The following EIF2AK1 variants were observed in gnomAD, a reference collection of about 807,000 sequenced individuals.
EIF2AK1 encodes eukaryotic translation initiation factor 2-alpha kinase 1.
A neutral mutation model predicts 77.9 loss-of-function variants in EIF2AK1; 54 were observed. That is an observed-to-expected ratio of 0.69 (90% CI 0.56 to 0.87). The LOEUF (loss-of-function observed/expected upper bound fraction) is 0.87, where lower values mean the gene tolerates loss of function less well. Among genes scored for constraint, EIF2AK1 ranks in the 40% least tolerant of loss-of-function variants. EIF2AK1 has a pLI of 0.00. For synonymous variants in EIF2AK1, 314 were observed against 290.5 expected (o/e 1.08, Z -0.82); for missense variants, 810 against 768.6 (o/e 1.05, Z -0.64).
chr7:6,038,365 G>A (rs1372908733), intron 10 of EIF2AK1, among the ~76,000 whole-genome samples, 195 bp downstream of exon 10: 1 of 152,114 alleles, frequency 6.6e-6, no homozygotes, highest in Non-Finnish European at 1.5e-5. Flanking sequence ...AGCCAGGGAG[G>A]CCAAGGCTAT....
Position 6,054,606 on chromosome 7 carries a change from GC to G in EIF2AK1, c.216del (p.Leu72PhefsTer5). The G allele has an allele frequency of 6.2e-7, 1 of 1,614,150 alleles. No individual in the cohort carries two copies. Among genetic ancestry groups the G allele is most frequent in the Non-Finnish European group, 8.5e-7 (1 of 1,180,036 alleles). Reference protein sequence around the residue: ...AVANQLLLVSLLEHLSHVHEP... With the variant: ...AVANQLLLVSXLEHLSHVHEP... Reference sequence around the variant, plus strand: ...TCATGCACGTGGCTCAAGTGCTCCAGCAAAGAAACCAGCAAGAGTTGGTTTG... The same window carrying G: ...TCATGCACGTGGCTCAAGTGCTCCAGAAAGAAACCAGCAAGAGTTGGTTTG... On this transcript the variant is annotated frameshift_variant, in exon 2 of 15. Coordinates refer to ENST00000199389, the MANE Select transcript of EIF2AK1 (RefSeq NM_014413.4). LOFTEE classifies it high-confidence loss of function.
Position 6,058,102 on chromosome 7 carries a change from A to T in EIF2AK1, c.118+864T>A, listed in dbSNP as rs764680903. 31 of 455,530 alleles carry T rather than the reference A, an allele frequency of 6.8e-5. 1 individual carries two copies. Among genetic ancestry groups the T allele is most frequent in the South Asian group, 4.6e-4 (30 of 64,538 alleles). 28.2% of individuals were successfully genotyped at this position (455,530 alleles called of 1,614,324 possible). ...ACTTAGCTACCCCGTATCTCCTAGT[A>T]AACAAAAGCCTCAAGAAAACTTGGG... On this transcript the variant is annotated intron_variant, in intron 1 of 14. Coordinates refer to ENST00000199389, the MANE Select transcript of EIF2AK1 (RefSeq NM_014413.4).
chr7:6,036,762 G>T lies in EIF2AK1; in HGVS notation c.1332+662C>A, dbSNP rs1469603212. Among the ~76,000 whole-genome samples, 1 of 151,884 alleles carries T rather than the reference G, an allele frequency of 6.6e-6. No homozygotes were observed. The highest frequency in any genetic ancestry group is 1.5e-5 in the Non-Finnish European group (1 of 68,004). ...AACTTCCGATTTTGTTAAACTTTAAGATGAATAATTATAGAAATAGAGTTT... is the reference window on the plus strand; with the variant it reads ...AACTTCCGATTTTGTTAAACTTTAATATGAATAATTATAGAAATAGAGTTT... On this transcript the variant is annotated intron_variant, in intron 11 of 14. Transcript: ENST00000199389. The surrounding 1 kb of genome is among the most constrained non-coding windows in gnomAD (Gnocchi z 4.6).
intron 6 of EIF2AK1, among the ~76,000 whole-genome samples, chr7:6,045,144 G>T (rs939111550): frequency 1.3e-5 from 2 of 148,770 alleles, no homozygotes; most frequent in African/African-American, 5.0e-5. Context: ...GTCTCACTCT[G>T]TTGCCCAGGC....
At chr7:6,057,992 ACT>A (rs1347951654) in intron 1 of EIF2AK1, among the ~76,000 whole-genome samples, 1 of 151,852 alleles carries the variant, frequency 6.6e-6, no homozygotes, top group African/African-American at 2.4e-5. Flanking sequence ...GCAACTAAAG[ACT>A]CTATTTCACT....
chr7:6,058,244 T>G, intron 1 of EIF2AK1: 2 of 420,448 alleles, frequency 4.8e-6, no homozygotes. Context: ...ACCACATCTC[T>G]GCAAAAAAAA....
At chr7:6,044,481 A>G in intron 7 of EIF2AK1, 81 bp downstream of exon 7, 1 of 1,207,158 alleles carries the variant, frequency 8.3e-7, no homozygotes, top group Non-Finnish European at 1.2e-6. Flanking sequence ...TGGTATGTAC[A>G]AAAACAAAGG....
chr7:6,054,203 C>G (rs1254671691), intron 2 of EIF2AK1, among the ~76,000 whole-genome samples: 1 of 114,460 alleles, frequency 8.7e-6, no homozygotes, highest in East Asian at 2.3e-4. Context: ...AGTATTTTTA[C>G]AAGCTTTATT....
chr7:6,024,516 G>C lies in EIF2AK1; in HGVS notation c.*157C>G, dbSNP rs550776461. The C allele has an allele frequency of 6.9e-7, 1 of 1,439,246 alleles. No homozygotes were observed. Among genetic ancestry groups the C allele is most frequent in the African/African-American group, 1.4e-5 (1 of 69,040 alleles). 89.2% of individuals were successfully genotyped at this position (1,439,246 alleles called of 1,614,324 possible). ...GGAAATTCAGGAAAAGGAGCTTGTG[G>C]GGCAGGAAGGGAAGGAACGGCAGCT... On this transcript the variant is annotated 3_prime_UTR_variant, in exon 15 of 15. Transcript: ENST00000199389.
In EIF2AK1 at chr7:6,027,387, C is replaced by T. The variant is rs111609348; in HGVS notation, c.1531-426G>A. Among the ~76,000 whole-genome samples, 2 of 152,188 alleles carry T rather than the reference C, an allele frequency of 1.3e-5. No homozygotes were observed. The highest frequency in any genetic ancestry group is 4.8e-5 in the African/African-American group (2 of 41,460). ...ACCAAGTGTCCTTGGTGACATTTAA[C>T]AAACTGCATAAAATCTGTGATACTA... is the stretch of plus-strand genomic sequence containing the variant. On this transcript the variant is annotated intron_variant, in intron 13 of 14. Transcript: ENST00000199389. This position sits in a 1 kb window ranked among gnomAD's most constrained non-coding sequence, Gnocchi z 4.5.
intron 12 of EIF2AK1, 38 bp downstream of exon 12, chr7:6,028,880 G>GCC (rs1787823489): frequency 2.6e-6 from 4 of 1,538,086 alleles, no homozygotes; most frequent in Non-Finnish European, 2.7e-6. Flanking sequence ...CATGTCTTTT[G>GCC]CTTATGCAAA....
chr7:6,046,365 G>A (rs1788444232), intron 5 of EIF2AK1: 1 of 311,758 alleles, frequency 3.2e-6, no homozygotes, highest in African/African-American at 2.1e-5. Context: ...CTAGGCTGAA[G>A]AACGGGAATG....
At position 6,042,925 on chromosome 7, in the gene EIF2AK1, G is replaced by T. The variant is rs1013724256; in HGVS notation, c.791+8C>A. The T allele has an allele frequency of 6.2e-7, 1 of 1,612,800 alleles. No homozygotes were observed. The highest frequency in any genetic ancestry group is 1.7e-5 in the Admixed American group (1 of 59,894). On this transcript the variant is annotated splice_region_variant and intron_variant, in intron 8 of 14. Transcript: ENST00000199389. ...AGAGGTAATGTCCTAATATGTAAAA[G>T]GACATACCTGTCCTCTTCCTGGTCG... is the stretch of plus-strand genomic sequence containing the variant.
Position 6,028,504 on chromosome 7 carries a change from G to A in EIF2AK1, c.1530+111C>T, listed in dbSNP as rs1255135020. 24 of 1,002,274 alleles carry A rather than the reference G, an allele frequency of 2.4e-5. 2 individuals carry two copies. In the Middle Eastern group the frequency reaches 6.3e-4, roughly 26 times the overall value. The allele number at this position is 1,002,274 out of a possible 1,614,324, so 62.1% of individuals were successfully genotyped here. A position where few individuals can be genotyped will look rare whatever the true frequency, so the allele number is the denominator to read the frequency against. On this transcript the variant is annotated intron_variant, in intron 13 of 14. Transcript: ENST00000199389. Reference sequence around the variant, plus strand: ...TGACCTCCGGTGATCCACCCACCTCGGCCTCCCAAAGTGCTGGGATTACAG... The same window carrying A: ...TGACCTCCGGTGATCCACCCACCTCAGCCTCCCAAAGTGCTGGGATTACAG...
rs371029461 is a variant in EIF2AK1 at position 6,035,303 on chromosome 7, C to T, written c.1332+2121G>A. The stretch of plus-strand genomic sequence containing the variant: ...TGGGATAGCCTGAGAAACTACCCAG[C>T]GATACAGATTTTGAAACACGTCCTT... On this transcript the variant is annotated intron_variant, in intron 11 of 14. Coordinates refer to ENST00000199389, the MANE Select transcript of EIF2AK1 (RefSeq NM_014413.4). The surrounding 1 kb of genome is among the most constrained non-coding windows in gnomAD (Gnocchi z 5.5). 4.3e-4 allele frequency: 364 copies of T among 851,784 alleles called. 8 individuals are homozygous for T. The South Asian group carries it at 6.7e-3, about 16-fold the overall frequency. 52.8% of individuals were successfully genotyped at this position (851,784 alleles called of 1,614,324 possible). A position where few individuals can be genotyped will look rare whatever the true frequency, so the allele number is the denominator to read the frequency against.
chr7:6,046,894 C>T (rs1353204825), intron 5 of EIF2AK1, 98 bp downstream of exon 5: 14 of 1,142,514 alleles, frequency 1.2e-5, no homozygotes, highest in Admixed American at 5.7e-5. Context: ...AGCGAGACTC[C>T]ATCTCAAAAA....
chr7:6,035,850 C>T lies in EIF2AK1; in HGVS notation c.1332+1574G>A. The stretch of plus-strand genomic sequence containing the variant: ...TTCCACGGGGAACACGCCCCTGAAG[C>T]TTGCAGTGTGCACTGCATCAAGCAA... On this transcript the variant is annotated intron_variant, in intron 11 of 14. Transcript: ENST00000199389. The surrounding 1 kb of genome is among the most constrained non-coding windows in gnomAD (Gnocchi z 5.5). 1 of 1,548,182 alleles carries T rather than the reference C, an allele frequency of 6.5e-7. No homozygotes were observed. The highest frequency in any genetic ancestry group is 8.7e-7 in the Non-Finnish European group (1 of 1,145,208).
At chr7:6,054,422 T>G in intron 2 of EIF2AK1, 124 bp downstream of exon 2, 1 of 1,034,520 alleles carries the variant, frequency 9.7e-7, no homozygotes, top group Non-Finnish European at 1.4e-6. Context: ...CAAACCGATC[T>G]CGATCTCCGG....
intron 4 of EIF2AK1, among the ~76,000 whole-genome samples, chr7:6,048,501 G>A (rs1788508546): frequency 6.6e-6 from 1 of 152,170 alleles, no homozygotes; most frequent in Non-Finnish European, 1.5e-5. Flanking sequence ...GGTCAGACCA[G>A]TTAGATTTTA....
Sources: gnomAD v4.1 joint callset for allele counts (sites outside exome capture counted in the v4.1 genomes callset) on GRCh38, gnomAD v4.1.1 for gene constraint, Gnocchi (gnomAD v3.1) non-coding constraint, MANE v1.5 for transcripts, NCBI Gene and HGNC (gene_info 2026-07-23, HGNC 2026-07-21) for gene names.